Variants in IGF2BP2 observed in about 807,000 individuals in gnomAD.
IGF2BP2 encodes insulin like growth factor 2 mRNA binding protein 2.
Under a neutral mutation model 75.8 loss-of-function variants are expected in IGF2BP2, and 17 were observed. The ratio of observed to expected loss-of-function variants is 0.22; its 90% CI spans 0.15 to 0.34. The LOEUF (loss-of-function observed/expected upper bound fraction) is 0.34, where lower values mean the gene tolerates loss of function less well. Ranked by LOEUF, IGF2BP2 falls within the 10% of genes least tolerant of loss-of-function variation. The pLI is 1.00. For synonymous variants in IGF2BP2, 288 were observed against 295.6 expected (o/e 0.97, Z 0.26); for missense variants, 516 against 772.4 (o/e 0.67, Z 3.93).
At chr3:185,691,097 CTTT>C (rs1007243708) in intron 5 of IGF2BP2, among the ~76,000 whole-genome samples, 1 of 151,570 alleles carries the variant, frequency 6.6e-6, no homozygotes, top group African/African-American at 2.4e-5. Context: ...TTACCTTTTT[CTTT>C]TTTTTTATTT....
chr3:185,778,287 G>A (rs1467564871), intron 2 of IGF2BP2, among the ~76,000 whole-genome samples: 1 of 151,934 alleles, frequency 6.6e-6, no homozygotes, highest in Non-Finnish European at 1.5e-5. Context: ...ACTCAGACAG[G>A]GACAACTTAG....
At chr3:185,704,857 G>T (rs1457880416) in intron 2 of IGF2BP2, among the ~76,000 whole-genome samples, 3 of 152,064 alleles carry the variant, frequency 2.0e-5, no homozygotes, top group Non-Finnish European at 2.9e-5. Context: ...CACTTTCTTT[G>T]TTGCAAAATG....
intron 2 of IGF2BP2, among the ~76,000 whole-genome samples, chr3:185,760,505 TA>T (rs1175564898): frequency 1.3e-5 from 2 of 152,202 alleles, no homozygotes. Flanking sequence ...ACATTTCTAT[TA>T]ACCCAAAAAG....
At chr3:185,771,312 ACGCC>A (rs1426212098) in intron 2 of IGF2BP2, among the ~76,000 whole-genome samples, 4 of 151,970 alleles carry the variant, frequency 2.6e-5, no homozygotes, top group Non-Finnish European at 1.5e-5. Flanking sequence ...GTGGTGGTGC[ACGCC>A]TATAATCCCA....
intron 2 of IGF2BP2, among the ~76,000 whole-genome samples, chr3:185,747,696 TAAAA>T: frequency 6.6e-6 from 1 of 151,914 alleles, no homozygotes; most frequent in Non-Finnish European, 1.5e-5. Flanking sequence ...AATAAATAAA[TAAAA>T]TAGTCCATAT....
chr3:185,714,589 A>G (rs370863412), intron 2 of IGF2BP2, among the ~76,000 whole-genome samples: 2 of 152,344 alleles, frequency 1.3e-5, no homozygotes, highest in South Asian at 2.1e-4. Context: ...CTGCCCATCC[A>G]TAGGTGAAAA....
chr3:185,688,047 C>T (rs1214067913), intron 6 of IGF2BP2, among the ~76,000 whole-genome samples: 3 of 152,114 alleles, frequency 2.0e-5, no homozygotes, highest in Non-Finnish European at 4.4e-5. Context: ...GGATACCAAA[C>T]AGTAACTTCC....
intron 2 of IGF2BP2, 114 bp downstream of exon 2, chr3:185,823,035 AAAAC>A (rs1741563639): frequency 1.1e-5 from 7 of 628,918 alleles, no homozygotes; most frequent in Non-Finnish European, 1.9e-5. Context: ...CTCCACTAAC[AAAAC>A]AAACAAAAGC....
In IGF2BP2 at chr3:185,756,765, G is replaced by T. The variant is rs955040502; in HGVS notation, c.240-58418C>A. 2.0e-5 allele frequency among the ~76,000 whole-genome samples: 3 copies of T among 152,120 alleles called. No homozygotes were observed. The East Asian group carries it at 5.8e-4, about 29-fold the overall frequency. On this transcript the variant is annotated intron_variant, in intron 2 of 15. Transcript: ENST00000382199. ...AGGTGGGAAGATTGCTTGAGTCCAG[G>T]AGTTTGAGACCAGTTTGGGAAACAC... is the stretch of plus-strand genomic sequence containing the variant.
intron 12 of IGF2BP2, 45 bp downstream of exon 12, chr3:185,657,241 G>A: frequency 7.5e-7 from 1 of 1,326,268 alleles, no homozygotes; most frequent in Non-Finnish European, 1.1e-6. Flanking sequence ...CGTGGGATGA[G>A]AGGAGGTGGT....
rs890331442 is a variant in IGF2BP2, at chr3:185,687,327, G to C, written c.678-136C>G. 6 of 849,844 alleles carry C rather than the reference G, an allele frequency of 7.1e-6. No individual in the cohort carries two copies. In the African/African-American group the frequency reaches 8.6e-5, roughly 12 times the overall value. 52.6% of individuals were successfully genotyped at this position (849,844 alleles called of 1,614,324 possible). ...GGCGTCATCAGCACGTTTGCAATCA[G>C]TGCCATTCTCCAAGAAGGAGGCAAG... On this transcript the variant is annotated intron_variant, in intron 6 of 15. Coordinates refer to ENST00000382199, the MANE Select transcript of IGF2BP2 (RefSeq NM_006548.6).
intron 2 of IGF2BP2, among the ~76,000 whole-genome samples, chr3:185,763,760 G>A (rs1298567271): frequency 6.6e-6 from 1 of 152,176 alleles, no homozygotes; most frequent in East Asian, 1.9e-4. Flanking sequence ...GCTAACAGTG[G>A]TTATCTCCAG....
chr3:185,664,509 G>A (rs1018988910), intron 10 of IGF2BP2, among the ~76,000 whole-genome samples: 5 of 152,196 alleles, frequency 3.3e-5, no homozygotes, highest in African/African-American at 9.7e-5. Context: ...AATTAATGGA[G>A]GGAGAAGGGA....
chr3:185,657,262 C>A, intron 12 of IGF2BP2, 24 bp downstream of exon 12: 1 of 1,554,716 alleles, frequency 6.4e-7, no homozygotes, highest in Non-Finnish European at 8.9e-7. Context: ...AGAAGGGCCA[C>A]AGGGCCGTCA....
chr3:185,720,564 G>A (rs1726376774), intron 2 of IGF2BP2, among the ~76,000 whole-genome samples: 1 of 152,208 alleles, frequency 6.6e-6, no homozygotes, highest in Non-Finnish European at 1.5e-5. Context: ...CTCTAGCACA[G>A]CACTGGAAAT....
chr3:185,740,867 T>A (rs762779070), intron 2 of IGF2BP2, among the ~76,000 whole-genome samples: 4 of 152,200 alleles, frequency 2.6e-5, no homozygotes, highest in Non-Finnish European at 4.4e-5. Flanking sequence ...CATATTTTCT[T>A]TTTTTATTTT....
intron 2 of IGF2BP2, among the ~76,000 whole-genome samples, chr3:185,772,717 G>GACT (rs935748377): frequency 6.6e-6 from 1 of 151,808 alleles, no homozygotes; most frequent in Non-Finnish European, 1.5e-5. Flanking sequence ...AAGTAGCTGG[G>GACT]ACTACAGGCA....
At chr3:185,808,246 C>T (rs148026454) in intron 2 of IGF2BP2, among the ~76,000 whole-genome samples, 33 of 151,970 alleles carry the variant, frequency 2.2e-4, no homozygotes, top group Non-Finnish European at 4.0e-4. Flanking sequence ...AAGGCCGAGG[C>T]GGGTGGATCA....
intron 2 of IGF2BP2, among the ~76,000 whole-genome samples, chr3:185,761,455 C>A (rs1352977451): frequency 1.3e-5 from 2 of 152,222 alleles, no homozygotes; most frequent in African/African-American, 4.8e-5. Context: ...TACGTGTCAG[C>A]ATCAGAGAAC....
Sources: gnomAD v4.1 joint callset for allele counts (sites outside exome capture counted in the v4.1 genomes callset) on GRCh38, gnomAD v4.1.1 for gene constraint, MANE v1.5 for transcripts, NCBI Gene and HGNC (gene_info 2026-07-23, HGNC 2026-07-21) for gene names.